The following ENTREP2 variants were observed in gnomAD, a reference collection of about 807,000 sequenced individuals.
The protein encoded by ENTREP2 is endosomal transmembrane epsin interactor 2.
chr15:29,345,759 C>T, the ENTREP2 span, among the ~76,000 whole-genome samples: 14 of 152,056 alleles, frequency 9.2e-5, no homozygotes, highest in African/African-American at 1.7e-4. Flanking sequence ...ACAACCCCAG[C>T]GGGGAGAGCT....
the ENTREP2 span, among the ~76,000 whole-genome samples, chr15:29,245,173 CT>C: frequency 6.6e-6 from 1 of 152,160 alleles, no homozygotes; most frequent in East Asian, 1.9e-4. Flanking sequence ...CGAGTAGCCT[CT>C]TCAGTATAAA....
the ENTREP2 span, among the ~76,000 whole-genome samples, chr15:29,628,826 T>C: frequency 6.6e-6 from 1 of 152,306 alleles, no homozygotes; most frequent in South Asian, 2.1e-4. Flanking sequence ...CTTGACTCAC[T>C]GCAACCTCTA....
chr15:29,644,404 T>C, the ENTREP2 span, among the ~76,000 whole-genome samples: 15 of 152,332 alleles, frequency 9.8e-5, no homozygotes, highest in South Asian at 1.0e-3. Flanking sequence ...CATGGGCAGA[T>C]TGCCAGTATA....
chr15:29,401,706 G>A, the ENTREP2 span, among the ~76,000 whole-genome samples: 1 of 152,274 alleles, frequency 6.6e-6, no homozygotes, highest in South Asian at 2.1e-4. Flanking sequence ...TTTACACAAG[G>A]ACGTTTACTA....
the ENTREP2 span, among the ~76,000 whole-genome samples, chr15:29,386,961 T>C: frequency 2.6e-5 from 4 of 152,202 alleles, no homozygotes; most frequent in African/African-American, 7.2e-5. Flanking sequence ...CAATTTGACT[T>C]CCTCTTTTCC....
At chr15:29,268,212 G>C in the ENTREP2 span, 1 of 152,170 alleles carries the variant, frequency 6.6e-6, no homozygotes, top group Non-Finnish European at 1.5e-5. Context: ...AAAAAACGAA[G>C]TGGAACTACG....
the ENTREP2 span, among the ~76,000 whole-genome samples, chr15:29,222,732 G>A: frequency 1.3e-5 from 2 of 152,136 alleles, no homozygotes; most frequent in East Asian, 1.9e-4. Context: ...TCCAGCTTCC[G>A]AGGGGGCCCT....
At chr15:29,222,210 G>C in the ENTREP2 span, among the ~76,000 whole-genome samples, 3 of 152,292 alleles carry the variant, frequency 2.0e-5, no homozygotes, top group African/African-American at 7.2e-5. Context: ...ATGGTGACAA[G>C]AGTGATCTCT....
the ENTREP2 span, among the ~76,000 whole-genome samples, chr15:29,457,434 C>T: frequency 5.9e-5 from 9 of 152,228 alleles, no homozygotes; most frequent in Non-Finnish European, 1.0e-4. Context: ...CTTCTGTGTC[C>T]CTTGCAGAGT....
chr15:29,331,815 G>A, the ENTREP2 span, among the ~76,000 whole-genome samples: 1 of 152,204 alleles, frequency 6.6e-6, no homozygotes, highest in African/African-American at 2.4e-5. Context: ...AGGCTCCTCA[G>A]GGGAAAGGCA....
chr15:29,402,562 G>A, the ENTREP2 span, among the ~76,000 whole-genome samples: 1 of 152,106 alleles, frequency 6.6e-6, no homozygotes, highest in South Asian at 2.1e-4. Context: ...CCCTCGCTGT[G>A]GCCTCCCAAA....
the ENTREP2 span, among the ~76,000 whole-genome samples, chr15:29,219,786 T>C: frequency 1.3e-5 from 2 of 151,322 alleles, no homozygotes; most frequent in African/African-American, 2.4e-5. Flanking sequence ...ACATCGTATG[T>C]TCTCACTAAT....
At chr15:29,125,541 C>A in the ENTREP2 span, among the ~76,000 whole-genome samples, 2 of 152,164 alleles carry the variant, frequency 1.3e-5, no homozygotes, top group South Asian at 2.1e-4. Flanking sequence ...GAGCCAGGAC[C>A]CACTGCGCCC....
At chr15:29,268,743 C>T in the ENTREP2 span, 3 of 1,543,568 alleles carry the variant, frequency 1.9e-6, no homozygotes, top group Non-Finnish European at 8.7e-7. Flanking sequence ...CTAAACTGTG[C>T]CTTTGGGTCT....
the ENTREP2 span, among the ~76,000 whole-genome samples, chr15:29,623,993 C>T: frequency 3.3e-5 from 5 of 152,214 alleles, no homozygotes. Flanking sequence ...CTGCCTCGGC[C>T]TCCCAAAGTG....
the ENTREP2 span, among the ~76,000 whole-genome samples, chr15:29,437,053 G>C: frequency 6.6e-6 from 1 of 152,208 alleles, no homozygotes; most frequent in Non-Finnish European, 1.5e-5. Flanking sequence ...TTGTCTTTTA[G>C]ACGTTACATT....
the ENTREP2 span, among the ~76,000 whole-genome samples, chr15:29,555,533 C>T: frequency 6.6e-6 from 1 of 152,150 alleles, no homozygotes; most frequent in Non-Finnish European, 1.5e-5. Context: ...TATAAGAAAG[C>T]CTGCATGGTC....
At chr15:29,241,100 A>G in the ENTREP2 span, among the ~76,000 whole-genome samples, 3 of 152,214 alleles carry the variant, frequency 2.0e-5, no homozygotes, top group Admixed American at 2.0e-4. Flanking sequence ...ATGCTATCAT[A>G]ATGAAGATTT....
the ENTREP2 span, among the ~76,000 whole-genome samples, chr15:29,180,990 G>A: frequency 6.6e-6 from 1 of 151,140 alleles, no homozygotes; most frequent in African/African-American, 2.4e-5. Flanking sequence ...AAGAAACAAA[G>A]CAATGACAAG....
Sources: gnomAD v4.1 joint callset for allele counts (sites outside exome capture counted in the v4.1 genomes callset) on GRCh38, gnomAD v4.1.1 for gene constraint, MANE v1.5 for transcripts, NCBI Gene and HGNC (gene_info 2026-07-23, HGNC 2026-07-21) for gene names.